Variants in GAPDHS observed in about 807,000 individuals in gnomAD.
GAPDHS encodes glyceraldehyde-3-phosphate dehydrogenase, spermatogenic.
Under a neutral mutation model 48.7 loss-of-function variants are expected in GAPDHS, and 42 were observed. The observed-to-expected ratio is 0.86, with a 90% CI of 0.67 to 1.12. GAPDHS has a LOEUF of 1.12. Among genes scored for constraint, GAPDHS ranks in the 50% most tolerant of loss-of-function variants. GAPDHS has a pLI of 0.00. For synonymous variants in GAPDHS, 166 were observed against 219.1 expected, an observed-to-expected ratio of 0.76 and a Z score of 2.14; for missense variants, 512 against 557.7, an observed-to-expected ratio of 0.92 and a Z score of 0.82.
chr19:35,534,096 CAG>C (rs1024339136), intron 1 of GAPDHS, among the ~76,000 whole-genome samples: 2 of 152,224 alleles, frequency 1.3e-5, no homozygotes, highest in African/African-American at 4.8e-5. Context: ...CTGAGAAGGC[CAG>C]AGTGTGCCCG....
intron 4 of GAPDHS, among the ~76,000 whole-genome samples, chr19:35,539,762 A>T (rs1046557376): frequency 3.3e-5 from 5 of 152,140 alleles, no homozygotes; most frequent in Non-Finnish European, 7.3e-5. Context: ...AGAGTCAGTG[A>T]AAATTGAAGA....
In GAPDHS at chr19:35,544,946, C is replaced by T. The variant is rs1388319494; in HGVS notation, c.1094C>T (p.Ser365Phe). ...GACTTCCTCGGTGATACCCACTCGT[C>T]CATCTTCGATGCTAAGGCCGGCATT... ...STDFLGDTHS[S>F]IFDAKAGIAL... Residue 365 changes from serine to phenylalanine, a missense_variant, in exon 10 of 11, where the codon TCC becomes TTC. Ser to Phe is a radical substitution (Grantham distance 155, BLOSUM62 -2). Coordinates refer to ENST00000222286, the MANE Select transcript of GAPDHS (RefSeq NM_014364.5). 2.4e-5 allele frequency: 39 copies of T among 1,613,660 alleles called. No individual in the cohort carries two copies. Among genetic ancestry groups the T allele is most frequent in the Non-Finnish European group, 3.1e-5 (36 of 1,179,650 alleles).
At chr19:35,542,131 GGGGCAGT>G in intron 4 of GAPDHS, 181 bp from the exon 5 acceptor site, 1 of 601,050 alleles carries the variant, frequency 1.7e-6, no homozygotes, top group Non-Finnish European at 3.0e-6. Flanking sequence ...GGTCTGAAGT[GGGGCAGT>G]GGTGAAAAGC....
At chr19:35,539,508 C>T (rs1018430466) in intron 4 of GAPDHS, among the ~76,000 whole-genome samples, 1 of 152,076 alleles carries the variant, frequency 6.6e-6, no homozygotes, top group South Asian at 2.1e-4. Context: ...AAACTATTAG[C>T]GACTCCTGGC....
Position 35,543,654 on chromosome 19 carries a change from G to A in GAPDHS, c.894-11G>A. 1.2e-6 allele frequency: 2 copies of A among 1,612,808 alleles called. No individual in the cohort carries two copies. The highest frequency in any genetic ancestry group is 1.7e-5 in the Admixed American group (1 of 59,876). On this transcript the variant is annotated splice_polypyrimidine_tract_variant and intron_variant, in intron 8 of 10. Coordinates refer to ENST00000222286, the MANE Select transcript of GAPDHS (RefSeq NM_014364.5). Reference sequence around the variant, plus strand: ...AGTTCTGACTCCTGTTCCTCATGGGGGATTCTCCAGGAAGCTGACAGGGAT... The same window carrying A: ...AGTTCTGACTCCTGTTCCTCATGGGAGATTCTCCAGGAAGCTGACAGGGAT...
intron 4 of GAPDHS, chr19:35,540,800 A>G (rs2071496638): frequency 6.6e-6 from 1 of 152,136 alleles, no homozygotes; most frequent in African/African-American, 2.4e-5. Context: ...GGCACAGGAC[A>G]GGTGTTCAGT....
At chr19:35,534,186 C>CGA (rs1265028123) in intron 1 of GAPDHS, among the ~76,000 whole-genome samples, 7 of 114,148 alleles carry the variant, frequency 6.1e-5, no homozygotes, top group Admixed American at 4.8e-4. Flanking sequence ...GGCGCGCCCG[C>CGA]GCGCGCGCAC....
chr19:35,536,981 G>T lies in GAPDHS; in HGVS notation c.236G>T (p.Gly79Val). 6.2e-7 allele frequency: 1 copy of T among 1,613,316 alleles called. No individual in the cohort carries two copies. Among genetic ancestry groups the T allele is most frequent in the Non-Finnish European group, 8.5e-7 (1 of 1,179,554 alleles). ...MVSVARELTV[G>V]INGFGRIGRL... ...TCTGTGGCCCGGGAGCTGACTGTGG[G>T]CATCAATGGGTGAGTCTACTCCAGC... Residue 79 changes from glycine (G) to valine (V), a missense_variant, in exon 2 of 11, where the codon GGC becomes GTC. Gly to Val is a moderately radical substitution (Grantham distance 109). Transcript: ENST00000222286.
intron 9 of GAPDHS, chr19:35,544,644 C>T (rs1001088815): frequency 5.9e-6 from 3 of 509,216 alleles, no homozygotes; most frequent in South Asian, 4.5e-5. Flanking sequence ...CCATTCCAAA[C>T]GCTTGCATTA....
chr19:35,536,996 T>C lies in GAPDHS; in HGVS notation c.245+6T>C. The C allele has an allele frequency of 6.2e-7, 1 of 1,610,986 alleles. No individual in the cohort carries two copies. Among genetic ancestry groups the C allele is most frequent in the Admixed American group, 1.7e-5 (1 of 59,926 alleles). ...CTGACTGTGGGCATCAATGGGTGAG[T>C]CTACTCCAGCCCCTGATCAGTCTGA... On this transcript the variant is annotated splice_donor_region_variant and intron_variant, in intron 2 of 10. Coordinates refer to ENST00000222286, the MANE Select transcript of GAPDHS (RefSeq NM_014364.5).
chr19:35,537,139 C>T, intron 2 of GAPDHS, 149 bp downstream of exon 2: 1 of 625,158 alleles, frequency 1.6e-6, no homozygotes. Context: ...GCAGACAGGG[C>T]CCCATGCTCA....
intron 4 of GAPDHS, among the ~76,000 whole-genome samples, chr19:35,539,862 T>G (rs1412509378): frequency 6.6e-6 from 1 of 152,160 alleles, no homozygotes; most frequent in Non-Finnish European, 1.5e-5. Context: ...CCACCACCAT[T>G]ACCGCCACTT....
At chr19:35,542,271 TG>T (rs1410959969) in intron 4 of GAPDHS, 47 bp from the exon 5 acceptor site, 15 of 1,279,196 alleles carry the variant, frequency 1.2e-5, no homozygotes, top group Non-Finnish European at 1.6e-5. Context: ...ACTATGAAGG[TG>T]GGGCTCAAGC....
At chr19:35,543,994 C>T (rs757995992) in intron 9 of GAPDHS, 167 bp downstream of exon 9, 14 of 1,288,204 alleles carry the variant, frequency 1.1e-5, no homozygotes, top group Non-Finnish European at 1.4e-5. Context: ...GTCTGGAATG[C>T]TTCCCTTGCC....
At chr19:35,537,966 C>G (rs950223768) in intron 2 of GAPDHS, among the ~76,000 whole-genome samples, 1 of 152,122 alleles carries the variant, frequency 6.6e-6, no homozygotes, top group Non-Finnish European at 1.5e-5. Context: ...GTCCCAGCTA[C>G]TTGGGAGGCT....
At position 35,536,856 on chromosome 19, in the gene GAPDHS, G is replaced by A; in HGVS notation, c.111G>A (p.Glu37=). 1 of 1,613,608 alleles carries A rather than the reference G, an allele frequency of 6.2e-7. No individual in the cohort carries two copies. The highest frequency in any genetic ancestry group is 1.3e-5 in the African/African-American group (1 of 74,982). The change falls in exon 2 of 11, where the codon GAG becomes GAA. Residue 37 remains glutamate, a synonymous_variant. Transcript: ENST00000222286. ...PPPPEPKAEV[E]PQPQPEPTPV... ...CACCTGAGCCTAAGGCTGAAGTAGA[G>A]CCCCAGCCACAACCAGAGCCCACAC...
chr19:35,542,443 G>A, intron 5 of GAPDHS, 34 bp downstream of exon 5: 3 of 1,601,662 alleles, frequency 1.9e-6, no homozygotes, highest in Non-Finnish European at 2.6e-6. Context: ...GGCTAGCTGG[G>A]GGGATGATGG....
Position 35,543,008 on chromosome 19 carries a change from G to A in GAPDHS, c.723G>A (p.Gly241=). 6.2e-7 allele frequency: 1 copy of A among 1,613,440 alleles called. No individual in the cohort carries two copies. The change falls in exon 7 of 11, where the codon GGG becomes GGA. Residue 241 remains glycine (G), a synonymous_variant. Transcript: ENST00000222286. ...PLAKVIHERF[G]IVEGLMTTVH... ...CCAAAGTCATCCACGAGCGATTTGG[G>A]ATCGTGGAAGGGTTGATGGTGAGTT...
intron 1 of GAPDHS, among the ~76,000 whole-genome samples, chr19:35,535,271 A>T (rs755601378): frequency 6.6e-6 from 1 of 152,086 alleles, no homozygotes; most frequent in Non-Finnish European, 1.5e-5. Flanking sequence ...TGGGAGCAGG[A>T]GTGTGTGTGG....
Sources: allele counts gnomAD v4.1 joint callset (sites outside exome capture counted in the v4.1 genomes callset), GRCh38; gene constraint gnomAD v4.1.1; transcripts MANE v1.5; gene names NCBI Gene and HGNC (gene_info 2026-07-23, HGNC 2026-07-21).